Variants in RHPN2 observed in about 807,000 individuals in gnomAD.
RHPN2 encodes rhophilin Rho GTPase binding protein 2, also known as rhophilin-2.
A neutral mutation model predicts 79.0 loss-of-function variants in RHPN2; 40 were observed. That is an observed-to-expected ratio of 0.51 (90% CI 0.39 to 0.66). RHPN2 has a LOEUF of 0.66. RHPN2 is among the 30% of genes least tolerant of loss of function. The pLI is 0.00. For synonymous variants in RHPN2, 285 were observed against 363.5 expected (o/e 0.78, Z 2.46); for missense variants, 686 against 883.5 (o/e 0.78, Z 2.83).
chr19:33,028,538 A>G (rs1971985361), intron 2 of RHPN2, among the ~76,000 whole-genome samples: 2 of 152,214 alleles, frequency 1.3e-5, no homozygotes, highest in South Asian at 4.1e-4. Flanking sequence ...AAAAGAATAA[A>G]ATACTCAGGA....
At chr19:33,044,079 C>G (rs562540772) in intron 2 of RHPN2, among the ~76,000 whole-genome samples, 170 bp downstream of exon 2, 1 of 148,152 alleles carries the variant, frequency 6.7e-6, no homozygotes, top group Non-Finnish European at 1.5e-5. Context: ...CACAAACAGG[C>G]GGGGTAAAAT....
chr19:33,028,705 A>G (rs937812501), intron 2 of RHPN2, among the ~76,000 whole-genome samples: 16 of 152,310 alleles, frequency 1.1e-4, no homozygotes, highest in African/African-American at 3.8e-4. Context: ...TGCAACCTCA[A>G]TCAAAATCCC....
chr19:33,062,476 A>G (rs1301272180), intron 1 of RHPN2, among the ~76,000 whole-genome samples: 1 of 150,644 alleles, frequency 6.6e-6, no homozygotes, highest in Non-Finnish European at 1.5e-5. Flanking sequence ...GGAAAAAAAA[A>G]AAAACACCTG....
intron 3 of RHPN2, among the ~76,000 whole-genome samples, chr19:33,024,100 G>A (rs1971947465): frequency 6.6e-6 from 1 of 152,164 alleles, no homozygotes; most frequent in Non-Finnish European, 1.5e-5. Context: ...AGCATAGGCT[G>A]GGAGAACCTT....
chr19:33,024,833 T>C (rs894316693), intron 3 of RHPN2, among the ~76,000 whole-genome samples: 1 of 152,162 alleles, frequency 6.6e-6, no homozygotes. Context: ...ATTACTACAG[T>C]CTCGACCTCC....
intron 9 of RHPN2, 56 bp downstream of exon 9, chr19:33,002,191 C>T (rs752701234): frequency 2.1e-5 from 33 of 1,588,590 alleles, no homozygotes; most frequent in South Asian, 3.4e-5. Flanking sequence ...TCAGAATCGC[C>T]CCTGGGGCAG....
intron 6 of RHPN2, among the ~76,000 whole-genome samples, chr19:33,010,121 C>T (rs566557945): frequency 6.6e-6 from 1 of 152,256 alleles, no homozygotes; most frequent in East Asian, 1.9e-4. Flanking sequence ...AGGGGGTGTG[C>T]AGACAGCTTC....
At chr19:33,014,092 G>A (rs8107656) in intron 4 of RHPN2, among the ~76,000 whole-genome samples, 56,996 of 122,856 alleles carry the variant, frequency 0.46, 11,307 homozygotes, top group Non-Finnish European at 0.53. Flanking sequence ...CCCCACCCCC[G>A]CCCCTACAAG....
At chr19:33,028,883 A>G (rs764526176) in intron 2 of RHPN2, among the ~76,000 whole-genome samples, 1 of 152,188 alleles carries the variant, frequency 6.6e-6, no homozygotes, top group Non-Finnish European at 1.5e-5. Flanking sequence ...TCACGTCTGT[A>G]ATCCTAGCAT....
rs559027316 is a variant in RHPN2, at chr19:33,024,374, G to A, written c.314+2130C>T. ...CTTGAACCTGGGAGGCGGAGGTTGCGGTGAGCCGAGATCATGCCACTACAC... is the reference window on the plus strand; with the variant it reads ...CTTGAACCTGGGAGGCGGAGGTTGCAGTGAGCCGAGATCATGCCACTACAC... On this transcript the variant is annotated intron_variant, in intron 3 of 14. Coordinates refer to ENST00000254260, the MANE Select transcript of RHPN2 (RefSeq NM_033103.5). 2.6e-5 allele frequency among the ~76,000 whole-genome samples: 4 copies of A among 152,062 alleles called. No individual in the cohort carries two copies. The East Asian group carries it at 5.8e-4, about 22-fold the overall frequency.
At chr19:33,046,893 C>A (rs1389203684) in intron 1 of RHPN2, among the ~76,000 whole-genome samples, 1 of 151,696 alleles carries the variant, frequency 6.6e-6, no homozygotes, top group African/African-American at 2.4e-5. Context: ...CTCAGTCTGT[C>A]ACCCAGACTG....
chr19:33,034,903 A>G (rs958838870), intron 2 of RHPN2, among the ~76,000 whole-genome samples: 6 of 152,044 alleles, frequency 3.9e-5, no homozygotes, highest in Admixed American at 6.6e-5. Flanking sequence ...GTTCAAGACC[A>G]GCCGAAGCAA....
At chr19:32,982,326 G>C (rs1277147975) in intron 14 of RHPN2, among the ~76,000 whole-genome samples, 3 of 152,038 alleles carry the variant, frequency 2.0e-5, no homozygotes, top group African/African-American at 4.8e-5. Context: ...AGAATCACTT[G>C]AACCCAGGAG....
chr19:33,060,001 C>T (rs1184508943), intron 1 of RHPN2, among the ~76,000 whole-genome samples: 1 of 152,214 alleles, frequency 6.6e-6, no homozygotes, highest in Non-Finnish European at 1.5e-5. Context: ...AGGGCGCCTG[C>T]ATGGCTGCTG....
chr19:32,999,854 C>A (rs1971735269), intron 9 of RHPN2, 149 bp from the exon 10 acceptor site: 1 of 998,468 alleles, frequency 1.0e-6, no homozygotes, highest in Non-Finnish European at 1.5e-6. Context: ...CCCGGACACA[C>A]CCCAGGCCGT....
intron 4 of RHPN2, among the ~76,000 whole-genome samples, chr19:33,015,830 G>A (rs1422010300): frequency 6.6e-6 from 1 of 152,014 alleles, no homozygotes; most frequent in Non-Finnish European, 1.5e-5. Flanking sequence ...GGGCGGATCA[G>A]TTGAGGTCAG....
In RHPN2 at chr19:32,990,594, C is replaced by A; in HGVS notation, c.1720G>T (p.Val574Phe). The change falls in exon 14 of 15, where the codon GTT (valine) becomes TTT (phenylalanine). Residue 574 changes from valine to phenylalanine, a missense_variant. Val to Phe is a conservative substitution (Grantham distance 50). Coordinates refer to ENST00000254260, the MANE Select transcript of RHPN2 (RefSeq NM_033103.5). ...CCAAAGCTCTTCAGCAGCTTCATAA[C>A]CTCACTCAGCGTCAGCCACTTACAA... ...VDCKWLTLSEVMKLLKSFGED... is the reference protein window; with the variant it reads ...VDCKWLTLSEFMKLLKSFGED... 1 of 1,613,918 alleles carries A rather than the reference C, an allele frequency of 6.2e-7. No homozygotes were observed. Among genetic ancestry groups the A allele is most frequent in the Non-Finnish European group, 8.5e-7 (1 of 1,179,874 alleles).
intron 14 of RHPN2, among the ~76,000 whole-genome samples, chr19:32,980,792 T>G (rs1458981769): frequency 6.6e-6 from 1 of 152,160 alleles, no homozygotes; most frequent in Non-Finnish European, 1.5e-5. Context: ...TAGCTGGGGC[T>G]CTAGGTGTGC....
chr19:33,017,759 G>A (rs10412985), intron 4 of RHPN2, among the ~76,000 whole-genome samples: 45,759 of 148,000 alleles, frequency 0.31, 8,417 homozygotes, highest in East Asian at 0.5. Context: ...GGTGGTTGAC[G>A]CCTGTAATCC....
Sources: allele counts gnomAD v4.1 joint callset (sites outside exome capture counted in the v4.1 genomes callset), GRCh38; gene constraint gnomAD v4.1.1; transcripts MANE v1.5; gene names NCBI Gene and HGNC (gene_info 2026-07-23, HGNC 2026-07-21).